The following ENPP3 variants were observed in gnomAD, a reference collection of about 807,000 sequenced individuals.
ENPP3 encodes ectonucleotide pyrophosphatase/phosphodiesterase family member 3.
ENPP3 carries 104 observed loss-of-function variants against 117.8 expected under a neutral mutation model. The ratio of observed to expected loss-of-function variants is 0.88; its 90% CI spans 0.75 to 1.04. The LOEUF is 1.04. Ranked by LOEUF, ENPP3 falls within the 50% of genes least tolerant of loss-of-function variation. The pLI is 0.00. For synonymous variants in ENPP3, 380 were observed against 349.9 expected, an observed-to-expected ratio of 1.09 and a Z score of -0.96; for missense variants, 1,026 against 1,051.9, an observed-to-expected ratio of 0.98 and a Z score of 0.34.
At chr6:131,722,469 C>A in intron 18 of ENPP3, 64 bp downstream of exon 18, 1 of 1,362,644 alleles carries the variant, frequency 7.3e-7, no homozygotes. Flanking sequence ...ACCTGGGTAG[C>A]TGACAACTGG....
intron 2 of ENPP3, among the ~76,000 whole-genome samples, chr6:131,648,102 G>A (rs1778187528): frequency 6.6e-6 from 1 of 151,684 alleles, no homozygotes; most frequent in Admixed American, 6.6e-5. Flanking sequence ...ATATCTCATT[G>A]ATTTGTTAGT....
At chr6:131,730,632 C>G (rs1445364794) in intron 20 of ENPP3, among the ~76,000 whole-genome samples, 1 of 152,286 alleles carries the variant, frequency 6.6e-6, no homozygotes, top group East Asian at 1.9e-4. Context: ...ATTAGTAAGA[C>G]AGGTCAAGCG....
Position 131,730,775 on chromosome 6 carries a change from C to T in ENPP3, c.1954-2813C>T, listed in dbSNP as rs1234163294. On this transcript the variant is annotated intron_variant, in intron 20 of 24. Coordinates refer to ENST00000357639, the MANE Select transcript of ENPP3 (RefSeq NM_005021.5). Reference sequence around the variant, plus strand: ...ACTAAAAATACAAAAATTAGCTGGGCGTGGTGGCGCATGCCTGTAATCCCA... The same window carrying T: ...ACTAAAAATACAAAAATTAGCTGGGTGTGGTGGCGCATGCCTGTAATCCCA... Among the ~76,000 whole-genome samples, 6 of 152,144 alleles carry T rather than the reference C, an allele frequency of 3.9e-5. No individual in the cohort carries two copies. In the South Asian group the frequency reaches 6.2e-4, roughly 16 times the overall value.
At position 131,675,245 on chromosome 6, in the gene ENPP3, T is replaced by C. The variant is rs1379097853; in HGVS notation, c.872+56T>C. Reference sequence around the variant, plus strand: ...CTAGGCAGAAATGATCAAGATGTTTTCTGTCTTAATCTTGGTGGCAATTCT... The same window carrying C: ...CTAGGCAGAAATGATCAAGATGTTTCCTGTCTTAATCTTGGTGGCAATTCT... On this transcript the variant is annotated intron_variant, in intron 9 of 24. Transcript: ENST00000357639. 3.5e-6 allele frequency: 4 copies of C among 1,137,248 alleles called. No homozygotes were observed. The Admixed American group carries it at 5.4e-5, about 15-fold the overall frequency. 70.4% of individuals were successfully genotyped at this position (1,137,248 alleles called of 1,614,324 possible). A position where few individuals can be genotyped will look rare whatever the true frequency, so the allele number is the denominator to read the frequency against.
At chr6:131,727,213 G>A (rs1780172751) in intron 20 of ENPP3, among the ~76,000 whole-genome samples, 1 of 152,124 alleles carries the variant, frequency 6.6e-6, no homozygotes, top group Non-Finnish European at 1.5e-5. Context: ...TAGGAGCCAA[G>A]CAATTGAATC....
At chr6:131,654,891 A>T (rs1461273215) in intron 5 of ENPP3, among the ~76,000 whole-genome samples, 1 of 152,190 alleles carries the variant, frequency 6.6e-6, no homozygotes, top group African/African-American at 2.4e-5. Context: ...GATTAGAATA[A>T]AATGAGAGGA....
intron 5 of ENPP3, among the ~76,000 whole-genome samples, chr6:131,655,355 C>T (rs1256416185): frequency 6.6e-6 from 1 of 152,194 alleles, no homozygotes; most frequent in African/African-American, 2.4e-5. Flanking sequence ...TCTATTATCT[C>T]CATCCTCATT....
At chr6:131,730,372 A>G (rs377412359) in intron 20 of ENPP3, among the ~76,000 whole-genome samples, 1 of 152,220 alleles carries the variant, frequency 6.6e-6, no homozygotes, top group East Asian at 1.9e-4. Context: ...TTAGCTTTCC[A>G]GACTCTGCCA....
chr6:131,713,912 G>T (rs2114508103), intron 15 of ENPP3, among the ~76,000 whole-genome samples: 1 of 149,704 alleles, frequency 6.7e-6, no homozygotes, highest in East Asian at 2.1e-4. Context: ...CTGAAGAGCT[G>T]GGACTGACTA....
chr6:131,688,006 G>A (rs980909909), intron 14 of ENPP3, among the ~76,000 whole-genome samples: 1 of 152,144 alleles, frequency 6.6e-6, no homozygotes, highest in Non-Finnish European at 1.5e-5. Context: ...TCTGCACTGA[G>A]CATGTCTATC....
At chr6:131,671,822 T>G (rs1451446512) in intron 7 of ENPP3, among the ~76,000 whole-genome samples, 1 of 152,208 alleles carries the variant, frequency 6.6e-6, no homozygotes, top group Non-Finnish European at 1.5e-5. Flanking sequence ...AGGTAGAATG[T>G]GTGAAAAGTG....
chr6:131,638,599 T>A, intron 1 of ENPP3: 1 of 362,084 alleles, frequency 2.8e-6, no homozygotes, highest in Admixed American at 3.9e-5. Flanking sequence ...CTTTCTTTTC[T>A]TTTTTTTGTA....
intron 6 of ENPP3, among the ~76,000 whole-genome samples, chr6:131,660,328 G>C (rs957875514): frequency 2.0e-5 from 3 of 152,210 alleles, no homozygotes; most frequent in Admixed American, 2.0e-4. Context: ...GGGCCACCAT[G>C]GTCATGTAAA....
rs549392844 is a variant in ENPP3 at position 131,653,182 on chromosome 6, C to T, written c.464+291C>T. ...TCTTGCTCTGTTTTCCAAGCTGGAGCGCGGTGGTGCAATCACAGCTCACTG... is the reference window on the plus strand; with the variant it reads ...TCTTGCTCTGTTTTCCAAGCTGGAGTGCGGTGGTGCAATCACAGCTCACTG... On this transcript the variant is annotated intron_variant, in intron 5 of 24. Transcript: ENST00000357639. 7.2e-5 allele frequency among the ~76,000 whole-genome samples: 11 copies of T among 152,206 alleles called. No homozygotes were observed. The South Asian group carries it at 8.3e-4, about 11-fold the overall frequency.
chr6:131,642,656 C>T (rs1490282760), intron 2 of ENPP3, among the ~76,000 whole-genome samples: 2 of 152,120 alleles, frequency 1.3e-5, no homozygotes, highest in East Asian at 1.9e-4. Flanking sequence ...ACCGCAGCCT[C>T]GATCTCCTGG....
In ENPP3 at chr6:131,722,869, G is replaced by C. The variant is rs558346495; in HGVS notation, c.1746+464G>C. Reference sequence around the variant, plus strand: ...CCTTTGGGTAGCAGGGAAGAATCTGGCTGACAGTTGACACTGGGAAGGTCT... The same window carrying C: ...CCTTTGGGTAGCAGGGAAGAATCTGCCTGACAGTTGACACTGGGAAGGTCT... On this transcript the variant is annotated intron_variant, in intron 18 of 24. Transcript: ENST00000357639. Among the ~76,000 whole-genome samples the C allele has an allele frequency of 2.0e-5, 3 of 152,274 alleles. No homozygotes were observed. The South Asian group carries it at 6.2e-4, about 32-fold the overall frequency.
chr6:131,684,698 T>C (rs992574750), intron 12 of ENPP3, among the ~76,000 whole-genome samples: 22 of 150,098 alleles, frequency 1.5e-4, no homozygotes, highest in African/African-American at 5.2e-4. Context: ...AAAAAAAAAA[T>C]TCATGTGCAG....
At chr6:131,745,617 A>G (rs1780620512) in intron 24 of ENPP3, among the ~76,000 whole-genome samples, 1 of 152,110 alleles carries the variant, frequency 6.6e-6, no homozygotes, top group Admixed American at 6.5e-5. Flanking sequence ...AAAAAAATCC[A>G]AAATAAAAAG....
At chr6:131,722,635 A>G (rs1284963305) in intron 18 of ENPP3, among the ~76,000 whole-genome samples, 6 of 152,240 alleles carry the variant, frequency 3.9e-5, no homozygotes, top group Admixed American at 3.9e-4. Context: ...ACTGTTTGGT[A>G]ATTGTTAATG....
Sources: gnomAD v4.1 joint callset for allele counts (sites outside exome capture counted in the v4.1 genomes callset) on GRCh38, gnomAD v4.1.1 for gene constraint, MANE v1.5 for transcripts, NCBI Gene and HGNC (gene_info 2026-07-23, HGNC 2026-07-21) for gene names.